The following TBCA variants were observed in gnomAD, a reference collection of about 807,000 sequenced individuals.
TBCA encodes the protein tubulin folding cofactor A.
In TBCA, 6 loss-of-function variants were observed where a neutral mutation model predicts 15.8. The observed-to-expected ratio is 0.38, with a 90% CI of 0.21 to 0.75. The LOEUF (loss-of-function observed/expected upper bound fraction) is 0.75. Among genes scored for constraint, TBCA ranks in the 30% least tolerant of loss-of-function variants. The pLI, the probability that TBCA is intolerant of heterozygous loss-of-function variation, is 0.46. For synonymous variants in TBCA, 32 were observed against 42.3 expected (o/e 0.76, Z 0.94); for missense variants, 90 against 131.2 (o/e 0.69, Z 1.53).
chr5:77,715,202 A>G (rs529101799), intron 1 of TBCA: 1 of 694,960 alleles, frequency 1.4e-6, no homozygotes, highest in Non-Finnish European at 2.6e-6. Context: ...TAAAAATGTA[A>G]AAAGTTGATC....
At chr5:77,714,575 A>ATTAT (rs1554043961) in intron 1 of TBCA, among the ~76,000 whole-genome samples, 208 of 149,018 alleles carry the variant, frequency 1.4e-3, no homozygotes, top group African/African-American at 4.2e-3. Context: ...TATTATTATT[A>ATTAT]TTTTTTTTTG....
At chr5:77,759,786 A>T (rs1256725401) in intron 1 of TBCA, among the ~76,000 whole-genome samples, 1 of 152,190 alleles carries the variant, frequency 6.6e-6, no homozygotes, top group Non-Finnish European at 1.5e-5. Context: ...ATGAAACATG[A>T]TTCACAGAAT....
At chr5:77,747,725 T>C (rs2112488082) in intron 1 of TBCA, among the ~76,000 whole-genome samples, 1 of 152,316 alleles carries the variant, frequency 6.6e-6, no homozygotes, top group African/African-American at 2.4e-5. Flanking sequence ...TTTCTGCTTC[T>C]TCTTATTCTA....
intron 2 of TBCA, among the ~76,000 whole-genome samples, chr5:77,704,615 T>TA (rs1430222986): frequency 1.3e-5 from 2 of 152,098 alleles, no homozygotes; most frequent in East Asian, 1.9e-4. Flanking sequence ...TTGCTGAACT[T>TA]AAAGTCCCAG....
chr5:77,693,844 A>G (rs1195451332), intron 2 of TBCA, among the ~76,000 whole-genome samples: 4 of 151,658 alleles, frequency 2.6e-5, no homozygotes, highest in African/African-American at 7.3e-5. Flanking sequence ...AAAGACTATC[A>G]TACTGTAAAA....
At chr5:77,732,065 G>A (rs756199621) in intron 1 of TBCA, among the ~76,000 whole-genome samples, 4 of 152,012 alleles carry the variant, frequency 2.6e-5, no homozygotes, top group Non-Finnish European at 5.9e-5. Context: ...CTTAATGGAC[G>A]GAGTGAACCA....
At chr5:77,702,767 C>T (rs890717652) in intron 2 of TBCA, among the ~76,000 whole-genome samples, 1 of 152,206 alleles carries the variant, frequency 6.6e-6, no homozygotes, top group Non-Finnish European at 1.5e-5. Flanking sequence ...CTTTGAATAT[C>T]TTTTGGAATT....
chr5:77,752,188 A>G (rs1444498766), intron 1 of TBCA, among the ~76,000 whole-genome samples: 5 of 152,222 alleles, frequency 3.3e-5, no homozygotes, highest in Non-Finnish European at 7.3e-5. Context: ...CAGGAAGCTG[A>G]TGATACCAGC....
At chr5:77,758,685 T>C (rs183499201) in intron 1 of TBCA, among the ~76,000 whole-genome samples, 2 of 152,202 alleles carry the variant, frequency 1.3e-5, no homozygotes, top group East Asian at 3.9e-4. Flanking sequence ...CCTTCATGTG[T>C]AGTGCTCTCC....
chr5:77,728,550 C>A (rs2662376), intron 1 of TBCA, among the ~76,000 whole-genome samples: 57,828 of 151,858 alleles, frequency 0.38, 11,041 homozygotes, highest in South Asian at 0.41. Flanking sequence ...GTACATAAAC[C>A]TCAACAACTT....
In TBCA at chr5:77,776,115, G is replaced by C. The variant is rs984815769; in HGVS notation, c.53+90C>G. On this transcript the variant is annotated intron_variant, in intron 1 of 3. Coordinates refer to ENST00000380377, the MANE Select transcript of TBCA (RefSeq NM_004607.3). Reference sequence around the variant, plus strand: ...CGGCCTGGAGTTCGGAGCCCGCCTCGGGCCTCCTCGGGCCTGCGCTCCGCT... The same window carrying C: ...CGGCCTGGAGTTCGGAGCCCGCCTCCGGCCTCCTCGGGCCTGCGCTCCGCT... 6.2e-5 allele frequency: 93 copies of C among 1,492,486 alleles called. No individual in the cohort carries two copies. In the African/African-American group the frequency reaches 1.2e-3, roughly 20 times the overall value. 92.5% of individuals were successfully genotyped at this position (1,492,486 alleles called of 1,614,324 possible).
At chr5:77,732,550 CAAAAAAAAAAAAAA>C (rs35780694) in intron 1 of TBCA, among the ~76,000 whole-genome samples, 1 of 89,490 alleles carries the variant, frequency 1.1e-5, no homozygotes. Context: ...GACTCTGTCT[CAAAAAAAAAAAAAA>C]AAAAAAAAAA....
intron 1 of TBCA, among the ~76,000 whole-genome samples, chr5:77,731,546 A>G (rs1391979772): frequency 2.0e-5 from 3 of 152,138 alleles, no homozygotes; most frequent in African/African-American, 7.2e-5. Context: ...TTTCCTGATT[A>G]TATTCTTTCC....
intron 1 of TBCA, among the ~76,000 whole-genome samples, chr5:77,712,781 G>A (rs1237477227): frequency 6.6e-6 from 1 of 152,056 alleles, no homozygotes; most frequent in Non-Finnish European, 1.5e-5. Flanking sequence ...TTTCACTGCA[G>A]AAATATTAAT....
chr5:77,706,228 T>C (rs1171354559), intron 2 of TBCA, among the ~76,000 whole-genome samples: 2 of 152,192 alleles, frequency 1.3e-5, no homozygotes, highest in African/African-American at 4.8e-5. Context: ...AAAAATAAAT[T>C]TTAAGATATA....
At chr5:77,707,977 C>T (rs1746186948) in intron 2 of TBCA, among the ~76,000 whole-genome samples, 1 of 152,074 alleles carries the variant, frequency 6.6e-6, no homozygotes, top group Admixed American at 6.5e-5. Context: ...ATGATCACAC[C>T]ACTGCACTCC....
intron 1 of TBCA, among the ~76,000 whole-genome samples, chr5:77,711,987 A>G (rs1487295691): frequency 6.6e-6 from 1 of 152,118 alleles, no homozygotes; most frequent in Non-Finnish European, 1.5e-5. Context: ...AAAAAAAATC[A>G]GTCAGTTAGT....
intron 1 of TBCA, among the ~76,000 whole-genome samples, chr5:77,763,742 C>G (rs563350560): frequency 6.6e-6 from 1 of 152,262 alleles, no homozygotes; most frequent in South Asian, 2.1e-4. Flanking sequence ...TCTCAGACTT[C>G]CAGCCTCCAG....
chr5:77,713,846 A>G (rs1746336195), intron 1 of TBCA, among the ~76,000 whole-genome samples: 1 of 152,154 alleles, frequency 6.6e-6, no homozygotes. Context: ...TAAATCTGAT[A>G]GGTTCATTAT....
Sources: gnomAD v4.1 joint callset for allele counts (sites outside exome capture counted in the v4.1 genomes callset) on GRCh38, gnomAD v4.1.1 for gene constraint, MANE v1.5 for transcripts, NCBI Gene and HGNC (gene_info 2026-07-23, HGNC 2026-07-21) for gene names.